The following ERBB4 variants were observed in gnomAD, a reference collection of about 807,000 sequenced individuals.
ERBB4 encodes the protein receptor tyrosine-protein kinase erbB-4.
A neutral mutation model predicts 158.0 loss-of-function variants in ERBB4; 42 were observed. That is an observed-to-expected ratio of 0.27 (90% CI 0.21 to 0.34). ERBB4 has a LOEUF of 0.34. Among genes scored for constraint, ERBB4 ranks in the 10% least tolerant of loss-of-function variants. The pLI, the probability that ERBB4 is intolerant of heterozygous loss-of-function variation, is 1.00. For missense variants in ERBB4, 1,333 were observed against 1,624.1 expected, an observed-to-expected ratio of 0.82 and a Z score of 3.08; for synonymous variants, 583 against 558.7, an observed-to-expected ratio of 1.04 and a Z score of -0.61.
intron 2 of ERBB4, among the ~76,000 whole-genome samples, chr2:212,106,000 A>G (rs529933260): frequency 6.2e-4 from 95 of 152,320 alleles, no homozygotes; most frequent in African/African-American, 2.0e-3. Context: ...CTGTGAGTCC[A>G]TTAAACCTCT....
At chr2:212,364,745 C>G (rs1009571166) in intron 1 of ERBB4, among the ~76,000 whole-genome samples, 1 of 151,718 alleles carries the variant, frequency 6.6e-6, no homozygotes, top group Non-Finnish European at 1.5e-5. Flanking sequence ...TTCCATTCTC[C>G]CCCATCCCCA....
chr2:211,800,202 T>C (rs1193441263), intron 3 of ERBB4, among the ~76,000 whole-genome samples: 5 of 152,260 alleles, frequency 3.3e-5, no homozygotes, highest in Middle Eastern at 3.4e-3. Flanking sequence ...CACAGCCCCA[T>C]TGTTAGCCAC....
chr2:211,838,316 T>C (rs943752519), intron 3 of ERBB4, among the ~76,000 whole-genome samples: 1 of 152,082 alleles, frequency 6.6e-6, no homozygotes, highest in African/African-American at 2.4e-5. Context: ...CAATAATCAG[T>C]ACCAGCCATC....
At chr2:212,484,222 AAC>A (rs1206496667) in intron 1 of ERBB4, among the ~76,000 whole-genome samples, 1 of 152,230 alleles carries the variant, frequency 6.6e-6, no homozygotes, top group Non-Finnish European at 1.5e-5. Flanking sequence ...TGTTTCATTT[AAC>A]TAAGTGAAGG....
intron 9 of ERBB4, among the ~76,000 whole-genome samples, chr2:211,706,340 T>C (rs1386553659): frequency 6.6e-6 from 1 of 152,186 alleles, no homozygotes. Flanking sequence ...CGAATAACCA[T>C]TAGTGATCCA....
chr2:211,763,897 T>TACACACACACACACACACACACAC lies in ERBB4; in HGVS notation c.557-13194_557-13193insGTGTGTGTGTGTGTGTGTGTGTGT, dbSNP rs58206154. Reference sequence around the variant, plus strand: ...ACAAGGCCTTAGCTGTGCGTGTGTATACACACACACACACACAAATATATG... The same window carrying TACACACACACACACACACACACAC: ...ACAAGGCCTTAGCTGTGCGTGTGTATACACACACACACACACACACACACACACACACACACACACAAATATATG... On this transcript the variant is annotated intron_variant, in intron 4 of 27. Coordinates refer to ENST00000342788, the MANE Select transcript of ERBB4 (RefSeq NM_005235.3). 2.7e-3 allele frequency among the ~76,000 whole-genome samples: 400 copies of TACACACACACACACACACACACAC among 150,072 alleles called. 2 individuals are homozygous for TACACACACACACACACACACACAC. Among genetic ancestry groups the TACACACACACACACACACACACAC allele is most frequent in the Middle Eastern group, 0.018 (5 of 284 alleles).
intron 2 of ERBB4, among the ~76,000 whole-genome samples, chr2:211,973,604 GA>G (rs987708907): frequency 2.0e-5 from 3 of 152,166 alleles, no homozygotes; most frequent in African/African-American, 7.2e-5. Context: ...AGGTTGTGGA[GA>G]AAAAAGAATA....
intron 12 of ERBB4, among the ~76,000 whole-genome samples, chr2:211,692,323 T>A (rs186355621): frequency 1.7e-4 from 26 of 152,352 alleles, no homozygotes; most frequent in Middle Eastern, 3.4e-3. Flanking sequence ...TTCTCATTTC[T>A]GTGAGTTAAT....
chr2:211,731,339 T>A (rs2074419664), intron 5 of ERBB4, among the ~76,000 whole-genome samples: 1 of 152,142 alleles, frequency 6.6e-6, no homozygotes. Flanking sequence ...TTTGACAAAT[T>A]ATGATCATAA....
chr2:211,967,651 T>C (rs1680483433), intron 2 of ERBB4, among the ~76,000 whole-genome samples: 1 of 152,042 alleles, frequency 6.6e-6, no homozygotes, highest in Non-Finnish European at 1.5e-5. Context: ...ATAGAATATA[T>C]ATGCAGGTTA....
chr2:211,750,058 T>C (rs978664872), intron 5 of ERBB4, among the ~76,000 whole-genome samples: 1 of 152,172 alleles, frequency 6.6e-6, no homozygotes, highest in African/African-American at 2.4e-5. Flanking sequence ...TTTGTTACTA[T>C]ATGTCTTAGC....
At chr2:211,545,252 T>A (rs1350604576) in intron 20 of ERBB4, among the ~76,000 whole-genome samples, 1 of 152,044 alleles carries the variant, frequency 6.6e-6, no homozygotes, top group Non-Finnish European at 1.5e-5. Context: ...GAACACATCA[T>A]AAGTATATAC....
intron 2 of ERBB4, among the ~76,000 whole-genome samples, chr2:212,034,582 G>A (rs2076972633): frequency 6.6e-6 from 1 of 152,030 alleles, no homozygotes; most frequent in Non-Finnish European, 1.5e-5. Context: ...TTATAGTCAT[G>A]TATTTCTTTA....
intron 12 of ERBB4, among the ~76,000 whole-genome samples, chr2:211,700,277 C>A (rs886252643): frequency 2.0e-5 from 3 of 152,050 alleles, no homozygotes; most frequent in African/African-American, 7.2e-5. Flanking sequence ...AAGGAAAAAG[C>A]ACAACAAATT....
intron 4 of ERBB4, among the ~76,000 whole-genome samples, chr2:211,752,005 G>A (rs535155789): frequency 1.3e-5 from 2 of 152,132 alleles, no homozygotes; most frequent in Non-Finnish European, 2.9e-5. Context: ...GTGAAGTATT[G>A]CCGCTGACAT....
intron 3 of ERBB4, among the ~76,000 whole-genome samples, chr2:211,858,254 A>C (rs945913739): frequency 6.6e-6 from 1 of 152,202 alleles, no homozygotes; most frequent in Non-Finnish European, 1.5e-5. Context: ...GACTTGGCTG[A>C]TGCACATAGT....
chr2:212,191,545 G>GTTGTACA (rs1417763634), intron 1 of ERBB4, among the ~76,000 whole-genome samples: 1 of 20,332 alleles, frequency 4.9e-5, no homozygotes, highest in Non-Finnish European at 1.1e-4. Flanking sequence ...TATAACACAT[G>GTTGTACA]TGTTATGCCT....
chr2:212,462,940 T>C (rs1035291573), intron 1 of ERBB4, among the ~76,000 whole-genome samples: 3 of 152,152 alleles, frequency 2.0e-5, no homozygotes, highest in Admixed American at 6.6e-5. Context: ...GAATGAAATC[T>C]GTCATTTATG....
At chr2:211,447,018 C>A (rs1301593118) in intron 20 of ERBB4, among the ~76,000 whole-genome samples, 1 of 152,030 alleles carries the variant, frequency 6.6e-6, no homozygotes, top group Non-Finnish European at 1.5e-5. Flanking sequence ...AACAACAAAG[C>A]AACATTCACA....
Sources: gnomAD v4.1 joint callset for allele counts (sites outside exome capture counted in the v4.1 genomes callset) on GRCh38, gnomAD v4.1.1 for gene constraint, MANE v1.5 for transcripts, NCBI Gene and HGNC (gene_info 2026-07-23, HGNC 2026-07-21) for gene names.